PID1: variants seen among roughly 807,000 people sequenced by gnomAD.
PID1 encodes PTB-containing, cubilin and LRP1-interacting protein.
A neutral mutation model predicts 19.1 loss-of-function variants in PID1; 10 were observed. That is an observed-to-expected ratio of 0.52 (90% CI 0.32 to 0.89). The LOEUF (loss-of-function observed/expected upper bound fraction) is 0.89, where lower values mean the gene tolerates loss of function less well. PID1 is among the 40% of genes least tolerant of loss of function. The pLI is 0.03. For missense variants in PID1, 248 were observed against 285.3 expected (o/e 0.87, Z 0.94); for synonymous variants, 130 against 116.0 (o/e 1.12, Z -0.78).
intron 1 of PID1, among the ~76,000 whole-genome samples, chr2:229,243,223 T>A (rs1689919889): frequency 6.6e-6 from 1 of 152,084 alleles, no homozygotes; most frequent in Admixed American, 6.6e-5. Context: ...ATTTATTCAC[T>A]ATCATGAGAA....
At chr2:229,114,135 T>TCTC (rs1559239219) in intron 2 of PID1, among the ~76,000 whole-genome samples, 5 of 93,790 alleles carry the variant, frequency 5.3e-5, no homozygotes, top group African/African-American at 2.2e-4. Flanking sequence ...CTCTCTCTCT[T>TCTC]TCTCTCTCTC....
At chr2:229,256,832 T>C (rs1349253653) in intron 1 of PID1, among the ~76,000 whole-genome samples, 1 of 152,228 alleles carries the variant, frequency 6.6e-6, no homozygotes, top group Admixed American at 6.5e-5. Context: ...TCAATTAACA[T>C]TCACGGCAAC....
At chr2:229,243,240 G>C (rs1271587461) in intron 1 of PID1, among the ~76,000 whole-genome samples, 1 of 152,040 alleles carries the variant, frequency 6.6e-6, no homozygotes, top group Non-Finnish European at 1.5e-5. Flanking sequence ...AGAACAGCAT[G>C]GGAAAGACTC....
chr2:229,156,848 T>A (rs1690383111), intron 1 of PID1, among the ~76,000 whole-genome samples: 1 of 152,138 alleles, frequency 6.6e-6, no homozygotes, highest in Admixed American at 6.5e-5. Flanking sequence ...TCATCCTCCA[T>A]CCCCATCCTC....
At chr2:229,192,767 C>T (rs560860345) in intron 1 of PID1, among the ~76,000 whole-genome samples, 23 of 152,120 alleles carry the variant, frequency 1.5e-4, no homozygotes, top group South Asian at 2.1e-4. Flanking sequence ...GACACAATGG[C>T]GTTCAATAAA....
chr2:229,129,451 T>C (rs1689673184), intron 2 of PID1, among the ~76,000 whole-genome samples: 1 of 151,852 alleles, frequency 6.6e-6, no homozygotes, highest in African/African-American at 2.4e-5. Context: ...GGCTCATTTA[T>C]TGCAAATTCC....
intron 1 of PID1, among the ~76,000 whole-genome samples, chr2:229,183,653 A>G (rs1022006290): frequency 5.9e-5 from 9 of 151,982 alleles, no homozygotes; most frequent in African/African-American, 2.2e-4. Flanking sequence ...CTCACACTGA[A>G]CCATCAGCTC....
At chr2:229,043,789 G>C (rs1693820266) in intron 2 of PID1, among the ~76,000 whole-genome samples, 1 of 152,164 alleles carries the variant, frequency 6.6e-6, no homozygotes, top group Non-Finnish European at 1.5e-5. Context: ...CAGAAGGAGA[G>C]AGCCATGCCT....
intron 2 of PID1, among the ~76,000 whole-genome samples, chr2:229,053,568 G>T (rs1349989971): frequency 6.6e-6 from 1 of 152,130 alleles, no homozygotes; most frequent in African/African-American, 2.4e-5. Context: ...TTCAAGGAAG[G>T]TCTCCCCCAG....
chr2:229,122,169 G>T (rs553958751), intron 2 of PID1, among the ~76,000 whole-genome samples: 1 of 152,096 alleles, frequency 6.6e-6, no homozygotes, highest in Non-Finnish European at 1.5e-5. Context: ...CTACTAAAAA[G>T]TTAATGAAAA....
chr2:229,133,905 G>A (rs13022991), intron 2 of PID1, among the ~76,000 whole-genome samples: 13,088 of 151,940 alleles, frequency 0.086, 793 homozygotes, highest in Non-Finnish European at 0.13. Context: ...TTAGCATTAG[G>A]TATATCTCCT....
intron 2 of PID1, among the ~76,000 whole-genome samples, chr2:229,069,712 T>C (rs972664781): frequency 6.6e-6 from 1 of 152,186 alleles, no homozygotes; most frequent in African/African-American, 2.4e-5. Context: ...AATACCTGAA[T>C]GGGAAAAGTA....
Position 229,026,066 on chromosome 2 carries a change from A to G in PID1, c.220T>C (p.Leu74=), listed in dbSNP as rs766131681. 2.5e-6 allele frequency: 4 copies of G among 1,614,162 alleles called. No individual in the cohort carries two copies. In the East Asian group the frequency reaches 6.7e-5, roughly 27 times the overall value. The change falls in exon 3 of 3, where the codon TTG becomes CTG. Residue 74 remains leucine, a synonymous_variant. Transcript: ENST00000392055. ...GKVSTTGMQF[L]SGCTEKPVIE... ...ACTGGCTTTTCTGTGCAGCCTGACA[A>G]AAACTGCATGCCAGTGGTGGAGACT...
intron 1 of PID1, among the ~76,000 whole-genome samples, chr2:229,245,414 C>A (rs1446648122): frequency 6.6e-6 from 1 of 152,152 alleles, no homozygotes; most frequent in African/African-American, 2.4e-5. Context: ...GCCTTGCCTA[C>A]TTTCCTTCCC....
intron 2 of PID1, among the ~76,000 whole-genome samples, chr2:229,096,819 G>A (rs567260393): frequency 6.6e-6 from 1 of 152,252 alleles, no homozygotes; most frequent in African/African-American, 2.4e-5. Flanking sequence ...AAGGATCCCT[G>A]CAATGTGCCC....
intron 2 of PID1, among the ~76,000 whole-genome samples, chr2:229,075,298 T>C (rs1483715562): frequency 6.6e-6 from 1 of 152,222 alleles, no homozygotes; most frequent in Non-Finnish European, 1.5e-5. Context: ...AGTCAAACCA[T>C]TGTAAGTTGA....
intron 1 of PID1, among the ~76,000 whole-genome samples, chr2:229,181,978 C>A (rs2106219558): frequency 6.6e-6 from 1 of 152,184 alleles, no homozygotes; most frequent in African/African-American, 2.4e-5. Flanking sequence ...CTGTATGATT[C>A]CAATTATAAG....
At chr2:229,228,083 G>A (rs1228160718) in intron 1 of PID1, 9 of 455,780 alleles carry the variant, frequency 2.0e-5, no homozygotes, top group Non-Finnish European at 4.0e-5. Context: ...AAAGGCAAAT[G>A]CGTGAGAATA....
At chr2:229,197,198 CA>C (rs1413502445) in intron 1 of PID1, among the ~76,000 whole-genome samples, 13 of 151,934 alleles carry the variant, frequency 8.6e-5, no homozygotes, top group African/African-American at 3.1e-4. Flanking sequence ...GAAATGAAGG[CA>C]CACAAATTTG....
Sources: gnomAD v4.1 joint callset for allele counts (sites outside exome capture counted in the v4.1 genomes callset) on GRCh38, gnomAD v4.1.1 for gene constraint, MANE v1.5 for transcripts, NCBI Gene and HGNC (gene_info 2026-07-23, HGNC 2026-07-21) for gene names.